SH3BP1: variants seen among roughly 807,000 people sequenced by gnomAD.
SH3BP1 encodes the protein SH3 domain-binding protein 1.
A neutral mutation model predicts 69.8 loss-of-function variants in SH3BP1; 46 were observed. The observed-to-expected ratio is 0.66, with a 90% CI of 0.52 to 0.84. The LOEUF is 0.84. SH3BP1 is among the 40% of genes least tolerant of loss of function. The pLI is 0.00. For synonymous variants in SH3BP1, 403 were observed against 378.0 expected, an observed-to-expected ratio of 1.07 and a Z score of -0.77; for missense variants, 868 against 930.9, an observed-to-expected ratio of 0.93 and a Z score of 0.88.
At position 37,643,746 on chromosome 22, in the gene SH3BP1, G is replaced by C. The variant is rs1410239447; in HGVS notation, c.576G>C (p.Lys192Asn). The C allele has an allele frequency of 4.3e-6, 7 of 1,610,800 alleles. No individual in the cohort carries two copies. Among genetic ancestry groups the C allele is most frequent in the Non-Finnish European group, 5.9e-6 (7 of 1,177,874 alleles). The change falls in exon 7 of 18, where the codon AAG becomes AAC. Residue 192 changes from lysine (K) to asparagine (N), a missense_variant. Physicochemically the swap from Lys to Asn is moderately conservative, Grantham distance 94. Transcript: ENST00000649765. ...TTMANKVETL[K>N]EEEEELKRKV... ...TGGCCAACAAGGTGGAGACGCTGAA[G>C]GAGGAGGAGGAGGAGCTGAAGAGGA...
chr22:37,644,998 C>G lies in SH3BP1; in HGVS notation c.778+38C>G. ...GCCCGGCGATACCACACCCCTGACCCTGCCCTGCTCGGGGCTTATTGAGAA... is the reference window on the plus strand; with the variant it reads ...GCCCGGCGATACCACACCCCTGACCGTGCCCTGCTCGGGGCTTATTGAGAA... On this transcript the variant is annotated intron_variant, in intron 9 of 17. Transcript: ENST00000649765. 3.2e-6 allele frequency: 5 copies of G among 1,572,204 alleles called. No individual in the cohort carries two copies. In the East Asian group the frequency reaches 6.8e-5, roughly 21 times the overall value.
chr22:37,643,045 G>C (rs527397505), intron 5 of SH3BP1, 39 bp downstream of exon 5: 64 of 1,609,802 alleles, frequency 4.0e-5, no homozygotes, highest in Middle Eastern at 3.3e-4. Context: ...AGCTTCCCCA[G>C]CTTCTGGCTC....
intron 10 of SH3BP1, 121 bp from the exon 11 acceptor site, chr22:37,646,697 C>T: frequency 2.0e-6 from 1 of 499,628 alleles, no homozygotes; most frequent in Non-Finnish European, 3.4e-6. Flanking sequence ...ACACTGCCAG[C>T]CAGACCAGCG....
chr22:37,654,346 G>A (rs1411071310), intron 17 of SH3BP1, among the ~76,000 whole-genome samples: 1 of 152,070 alleles, frequency 6.6e-6, no homozygotes, highest in Non-Finnish European at 1.5e-5. Context: ...TGAGGCGGGT[G>A]GATCACTTGA....
Position 37,649,964 on chromosome 22 carries a change from G to C in SH3BP1, c.1317-188G>C. On this transcript the variant is annotated intron_variant, in intron 14 of 17. Transcript: ENST00000649765. ...GGTCCTTGATTAATTAGTGATGTCT[G>C]TCAGGGTGAAGGAAGGGGGACATTT... 3 of 722,302 alleles carry C rather than the reference G, an allele frequency of 4.2e-6. No homozygotes were observed. The South Asian group carries it at 4.5e-5, about 11-fold the overall frequency. The allele number at this position is 722,302 out of a possible 1,614,324, so 44.7% of individuals were successfully genotyped here.
intron 6 of SH3BP1, 172 bp downstream of exon 6, chr22:37,643,346 G>C: frequency 2.9e-6 from 2 of 685,114 alleles, no homozygotes; most frequent in Non-Finnish European, 5.0e-6. Context: ...GTATCTGTGA[G>C]GGTGTGCCCG....
chr22:37,656,050 GC>G lies in SH3BP1; in HGVS notation c.*369del, dbSNP rs1324050599. ...TATTTTGGACAAAACTGGAGCAGCT[GC>G]CCAAATGATAGTTTTATTTTCTGTC... On this transcript the variant is annotated 3_prime_UTR_variant, in exon 18 of 18. Transcript: ENST00000649765. 7.2e-7 allele frequency: 1 copy of G among 1,379,576 alleles called. No homozygotes were observed. Among genetic ancestry groups the G allele is most frequent in the African/African-American group, 1.4e-5 (1 of 69,070 alleles). The allele number at this position is 1,379,576 out of a possible 1,614,324, so 85.5% of individuals were successfully genotyped here.
Position 37,641,113 on chromosome 22 carries a change from C to T in SH3BP1, c.60-13C>T. On this transcript the variant is annotated splice_polypyrimidine_tract_variant and intron_variant, in intron 1 of 17. Transcript: ENST00000649765. ...AGAAGCACTCTCCCCCCCCCCCCCA[C>T]CACTCCCCGCAGCACCCCGGAGACC... is the stretch of plus-strand genomic sequence containing the variant. The T allele has an allele frequency of 7.3e-7, 1 of 1,365,166 alleles. No individual in the cohort carries two copies. The highest frequency in any genetic ancestry group is 2.0e-4 in the Middle Eastern group (1 of 4,906). The allele number at this position is 1,365,166 out of a possible 1,614,324, so 84.6% of individuals were successfully genotyped here.
chr22:37,644,505 G>C, intron 7 of SH3BP1, 132 bp from the exon 8 acceptor site: 7 of 872,420 alleles, frequency 8.0e-6, no homozygotes, highest in Non-Finnish European at 1.3e-5. Context: ...TTGGCAGAGA[G>C]AGGAGCCTGG....
chr22:37,639,840 T>C lies in SH3BP1; in HGVS notation c.53T>C (p.Leu18Ser). Residue 18 changes from leucine (L) to serine (S), a missense_variant, in exon 1 of 18, where the codon TTG becomes TCG. Around this residue, in one of 3 missense-constraint regions of SH3BP1, gnomAD observed 387 missense variants for 447.9 expected, o/e 0.86. Transcript: ENST00000649765. The stretch of plus-strand genomic sequence containing the variant: ...CGGCAGCTGGCCCAGACGGGCAGCT[T>C]GGGACGGTGAGTGTCACCCGCTTCC... ...RMRQLAQTGS[L>S]GRTPETAEFL... is the part of the protein sequence containing the mutation. The C allele has an allele frequency of 6.4e-7, 1 of 1,563,616 alleles. No homozygotes were observed. Among genetic ancestry groups the C allele is most frequent in the Admixed American group, 1.8e-5 (1 of 55,582 alleles).
intron 17 of SH3BP1, among the ~76,000 whole-genome samples, chr22:37,654,196 C>T (rs1932950863): frequency 6.6e-6 from 1 of 152,304 alleles, no homozygotes. Flanking sequence ...GGGGAGCCGG[C>T]GTGAGTACTG....
chr22:37,642,359 C>T (rs1459904977), intron 3 of SH3BP1, 180 bp from the exon 4 acceptor site: 8 of 607,750 alleles, frequency 1.3e-5, no homozygotes, highest in Non-Finnish European at 2.4e-5. Context: ...TGGAGAGGGG[C>T]TCCATCCATG....
intron 16 of SH3BP1, among the ~76,000 whole-genome samples, chr22:37,653,329 C>T (rs1932921922): frequency 3.3e-5 from 5 of 151,796 alleles, no homozygotes; most frequent in Admixed American, 2.6e-4. Flanking sequence ...CCAGCTACTC[C>T]AGAGGCTGAG....
Position 37,655,756 on chromosome 22 carries a change from G to T in SH3BP1, c.*72G>T. On this transcript the variant is annotated 3_prime_UTR_variant, in exon 18 of 18. Transcript: ENST00000649765. ...ACCTGGCCCTCCCAGGACAGCTCTC[G>T]CCCCCCACAAAGGGGCATGGGCCTC... 5 of 1,443,030 alleles carry T rather than the reference G, an allele frequency of 3.5e-6. No individual in the cohort carries two copies. The highest frequency in any genetic ancestry group is 4.5e-6 in the Non-Finnish European group (5 of 1,101,778). The allele number at this position is 1,443,030 out of a possible 1,614,324, so 89.4% of individuals were successfully genotyped here.
At position 37,655,260 on chromosome 22, in the gene SH3BP1, CT is replaced by C; in HGVS notation, c.1694-10del. On this transcript the variant is annotated splice_polypyrimidine_tract_variant and intron_variant, in intron 17 of 17. Coordinates refer to ENST00000649765, the MANE Select transcript of SH3BP1 (RefSeq NM_018957.6). ...GACACTCAGCCTCCCTCACCCTTTC[CT>C]TCCTCAACAGCCAAGCGCCCGGCGC... 6.3e-7 allele frequency: 1 copy of C among 1,580,542 alleles called. No homozygotes were observed. Among genetic ancestry groups the C allele is most frequent in the South Asian group, 1.1e-5 (1 of 87,504 alleles).
At position 37,642,517 on chromosome 22, in the gene SH3BP1, G is replaced by A. The variant is rs769425321; in HGVS notation, c.208-22G>A. The A allele has an allele frequency of 1.4e-5, 23 of 1,611,762 alleles. No homozygotes were observed. The Admixed American group carries it at 2.7e-4, about 19-fold the overall frequency. On this transcript the variant is annotated intron_variant, in intron 3 of 17. Transcript: ENST00000649765. ...GTGGAGGGAGGCACGGACACTCATC[G>A]CCGGCCCCACCCTCCCTGCAGAAGA...
intron 14 of SH3BP1, among the ~76,000 whole-genome samples, 160 bp downstream of exon 14, chr22:37,648,595 G>A (rs1028470975): frequency 5.3e-5 from 8 of 152,108 alleles, no homozygotes; most frequent in Non-Finnish European, 1.0e-4. Flanking sequence ...CAAAGGGGCT[G>A]TGCAGGCCAC....
intron 1 of SH3BP1, among the ~76,000 whole-genome samples, chr22:37,640,060 T>TGCCCC (rs1347700526): frequency 6.6e-6 from 1 of 152,152 alleles, no homozygotes; most frequent in East Asian, 1.9e-4. Flanking sequence ...GGGGAAGGGA[T>TGCCCC]GCCCCCCCTT....
rs1361818177 is a variant in SH3BP1 at position 37,655,292 on chromosome 22, C to T, written c.1714C>T (p.Arg572Trp). Reference sequence around the variant, plus strand: ...AACAGCCAAGCGCCCGGCGCCAGCCCGGCCCACCATGCCGCCCCCCCAGGT... The same window carrying T: ...AACAGCCAAGCGCCCGGCGCCAGCCTGGCCCACCATGCCGCCCCCCCAGGT... Reference protein sequence around the residue: ...ARRTKRPAPARPTMPPPQVSG... With the variant: ...ARRTKRPAPAWPTMPPPQVSG... The change falls in exon 18 of 18, where the codon CGG becomes TGG. Residue 572 changes from arginine to tryptophan, a missense_variant. Transcript: ENST00000649765. The T allele has an allele frequency of 7.6e-6, 12 of 1,579,022 alleles. No homozygotes were observed. The highest frequency in any genetic ancestry group is 2.7e-5 in the African/African-American group (2 of 73,426).
Sources: allele counts gnomAD v4.1 joint callset (sites outside exome capture counted in the v4.1 genomes callset), GRCh38; gene constraint gnomAD v4.1.1; regional missense constraint gnomAD v4.1.1; transcripts MANE v1.5; gene names NCBI Gene and HGNC (gene_info 2026-07-23, HGNC 2026-07-21).